The following BIRC6 variants were observed in gnomAD, a reference collection of about 807,000 sequenced individuals.
The protein encoded by BIRC6 is baculoviral IAP repeat containing 6.
In BIRC6, 98 loss-of-function variants were observed where a neutral mutation model predicts 503.3. The observed-to-expected ratio is 0.19, with a 90% confidence interval of 0.17 to 0.23. The LOEUF is 0.23. Ranked by LOEUF, BIRC6 falls within the 10% of genes least tolerant of loss-of-function variation. BIRC6 has a pLI of 1.00. For missense variants in BIRC6, 5,360 were observed against 5,806.0 expected, an observed-to-expected ratio of 0.92 and a Z score of 2.50; for synonymous variants, 2,240 against 2,078.7, an observed-to-expected ratio of 1.08 and a Z score of -2.11.
rs1269685175 is a variant in BIRC6 at position 32,482,500 on chromosome 2, A to C, written c.7614A>C (p.Gly2538=). 1.2e-6 allele frequency: 2 copies of C among 1,613,886 alleles called. No individual in the cohort carries two copies. The highest frequency in any genetic ancestry group is 3.3e-5 in the Admixed American group (2 of 60,020). Residue 2538 remains glycine, a synonymous_variant, in exon 39 of 74, where the codon GGA becomes GGC. Coordinates refer to ENST00000421745, the MANE Select transcript of BIRC6 (RefSeq NM_016252.4). ...CCTACAATTACAACCCTTACATTGG[A>C]GGTCTGGGAATTCCTGTAGCAAAGC... ...YGTYNYNPYI[G]GLGIPVAKPP... is the part of the protein sequence containing the mutation.
Position 32,388,156 on chromosome 2 carries a change from G to A in BIRC6, c.646-594G>A, listed in dbSNP as rs796097843. ...AATCCCAGCACTTTGGGAGGCAGAG[G>A]CGGACAGATCATCAGGTCAGGAGAT... On this transcript the variant is annotated intron_variant, in intron 3 of 73. Coordinates refer to ENST00000421745, the MANE Select transcript of BIRC6 (RefSeq NM_016252.4). Among the ~76,000 whole-genome samples, 11 of 152,094 alleles carry A rather than the reference G, an allele frequency of 7.2e-5. 1 individual carries two copies. The highest frequency in any genetic ancestry group is 2.6e-4 in the African/African-American group (11 of 41,516).
intron 57 of BIRC6, among the ~76,000 whole-genome samples, chr2:32,521,667 A>C (rs2055731248): frequency 6.9e-6 from 1 of 145,638 alleles, no homozygotes; most frequent in Non-Finnish European, 1.5e-5. Flanking sequence ...TTTAGTAGAG[A>C]TGGGGTTTTG....
chr2:32,510,120 C>G, intron 52 of BIRC6, 126 bp downstream of exon 52: 1 of 1,132,446 alleles, frequency 8.8e-7, no homozygotes, highest in East Asian at 2.6e-5. Flanking sequence ...TTTATCTCTC[C>G]TCTCTTCTCT....
chr2:32,374,080 G>A (rs1321290336), intron 1 of BIRC6, among the ~76,000 whole-genome samples: 1 of 152,080 alleles, frequency 6.6e-6, no homozygotes, highest in Non-Finnish European at 1.5e-5. Context: ...ACTGTTTAAA[G>A]CGTACAGAGT....
intron 6 of BIRC6, among the ~76,000 whole-genome samples, chr2:32,395,915 G>T (rs1387450145): frequency 6.6e-6 from 1 of 152,146 alleles, no homozygotes; most frequent in Non-Finnish European, 1.5e-5. Flanking sequence ...AGAGCATGTT[G>T]TCAGTAGGGA....
At chr2:32,388,491 G>A (rs763925848) in intron 3 of BIRC6, among the ~76,000 whole-genome samples, 2 of 151,976 alleles carry the variant, frequency 1.3e-5, no homozygotes, top group Non-Finnish European at 2.9e-5. Context: ...ACAGGCGTAA[G>A]CCACTGCACC....
intron 39 of BIRC6, 32 bp downstream of exon 39, chr2:32,482,614 C>G (rs2050533591): frequency 3.1e-6 from 5 of 1,606,814 alleles, no homozygotes; most frequent in Non-Finnish European, 4.3e-6. Context: ...AAGACATATG[C>G]TATTCTTAAA....
At chr2:32,486,077 T>C (rs1428500502) in intron 40 of BIRC6, among the ~76,000 whole-genome samples, 4 of 152,224 alleles carry the variant, frequency 2.6e-5, no homozygotes, top group African/African-American at 9.6e-5. Context: ...GCCTGTGAGT[T>C]CATTGCACTA....
intron 73 of BIRC6, among the ~76,000 whole-genome samples, chr2:32,614,271 C>T (rs1053419898): frequency 6.6e-6 from 1 of 152,176 alleles, no homozygotes; most frequent in African/African-American, 2.4e-5. Flanking sequence ...GTCTGTTTGT[C>T]CAGCTTCCTT....
chr2:32,571,401 T>C (rs372876629), intron 65 of BIRC6, among the ~76,000 whole-genome samples: 2 of 146,596 alleles, frequency 1.4e-5, no homozygotes, highest in African/African-American at 5.0e-5. Context: ...TTTTTTTTTT[T>C]TGTTGGGAGA....
At chr2:32,454,253 T>C (rs1026327315) in intron 23 of BIRC6, among the ~76,000 whole-genome samples, 5 of 152,104 alleles carry the variant, frequency 3.3e-5, no homozygotes, top group African/African-American at 1.2e-4. Flanking sequence ...AGAGTAAAAA[T>C]AGACTACGTG....
chr2:32,591,582 T>G (rs1359440376), intron 66 of BIRC6, among the ~76,000 whole-genome samples: 1 of 152,204 alleles, frequency 6.6e-6, no homozygotes, highest in Non-Finnish European at 1.5e-5. Flanking sequence ...GATTCTTGTT[T>G]CATCAAAGAG....
intron 66 of BIRC6, among the ~76,000 whole-genome samples, chr2:32,586,136 T>G (rs1349092835): frequency 6.6e-6 from 1 of 152,116 alleles, no homozygotes; most frequent in Non-Finnish European, 1.5e-5. Flanking sequence ...ACCCAAATAG[T>G]TCATTGATCA....
rs2050388543 is a variant in BIRC6 at position 32,481,433 on chromosome 2, C to T, written c.7522C>T (p.Leu2508Phe). ...AGATATTGATTTGGAAAAGGACCCT[C>T]TTGCAGCCAAGGTTTTTAAGGTATG... The part of the protein sequence containing the change: ...PLDIDLEKDP[L>F]AAKVFKPISS... Residue 2508 changes from leucine to phenylalanine, a missense_variant, in exon 38 of 74, where the codon CTT (leucine) becomes TTT (phenylalanine). Physicochemically the swap from Leu to Phe is conservative, Grantham distance 22. Around this residue, in one of 16 missense-constraint regions of BIRC6, gnomAD observed 2,299 missense variants for 2,267.2 expected, o/e 1.01. Coordinates refer to ENST00000421745, the MANE Select transcript of BIRC6 (RefSeq NM_016252.4). 1.1e-5 allele frequency: 18 copies of T among 1,611,700 alleles called. No individual in the cohort carries two copies. The highest frequency in any genetic ancestry group is 1.4e-5 in the Non-Finnish European group (17 of 1,178,884).
In BIRC6 at chr2:32,511,201, CTTTTTTTT is replaced by C; in HGVS notation, c.10346+587_10346+594del. Reference sequence around the variant, plus strand: ...TTTAGTGATTTTTTTCTTTTCTTTTCTTTTTTTTTTTTTTTTTTTTTTTTTTTACATTT... The same window carrying C: ...TTTAGTGATTTTTTTCTTTTCTTTTCTTTTTTTTTTTTTTTTTTTACATTT... On this transcript the variant is annotated intron_variant, in intron 53 of 73. Coordinates refer to ENST00000421745, the MANE Select transcript of BIRC6 (RefSeq NM_016252.4). Among the ~76,000 whole-genome samples the C allele has an allele frequency of 1.4e-3, 70 of 48,590 alleles. 1 individual carries two copies. Among genetic ancestry groups the C allele is most frequent in the South Asian group, 8.4e-3 (8 of 950 alleles). The allele number at this position is 48,590 out of a possible 152,430, so 31.9% of individuals were successfully genotyped here.
At chr2:32,596,170 C>T (rs932519740) in intron 68 of BIRC6, among the ~76,000 whole-genome samples, 1 of 151,798 alleles carries the variant, frequency 6.6e-6, no homozygotes, top group Non-Finnish European at 1.5e-5. Context: ...ATAAATTACC[C>T]CTGTAACTTA....
chr2:32,475,343 T>C (rs909510003), intron 33 of BIRC6, among the ~76,000 whole-genome samples: 3 of 152,144 alleles, frequency 2.0e-5, no homozygotes, highest in Non-Finnish European at 2.9e-5. Context: ...GTCACCAGAT[T>C]GTAAGGTCTT....
In BIRC6 at chr2:32,436,108, A is replaced by G. The variant is rs993901376; in HGVS notation, c.3555A>G (p.Pro1185=). 3.3e-6 allele frequency: 5 copies of G among 1,501,696 alleles called. No homozygotes were observed. The African/African-American group carries it at 5.5e-5, about 17-fold the overall frequency. 93.0% of individuals were successfully genotyped at this position (1,501,696 alleles called of 1,614,324 possible). ...ATAAAGAAGACATTCTATGTGGGCC[A>G]GTATGGCTTGCTAGTGGCCTTGATC... is the stretch of plus-strand genomic sequence containing the variant. ...EDHKEDILCG[P]VWLASGLDLS... is the part of the protein sequence containing the mutation. Residue 1185 remains proline (P), a synonymous_variant, in exon 15 of 74, where the codon CCA becomes CCG. Coordinates refer to ENST00000421745, the MANE Select transcript of BIRC6 (RefSeq NM_016252.4).
rs1159710870 is a variant in BIRC6 at position 32,442,195 on chromosome 2, T to C, written c.4075T>C (p.Leu1359=). 1 of 1,607,390 alleles carries C rather than the reference T, an allele frequency of 6.2e-7. No individual in the cohort carries two copies. Among genetic ancestry groups the C allele is most frequent in the East Asian group, 2.2e-5 (1 of 44,848 alleles). The change falls in exon 18 of 74, where the codon TTA becomes CTA. Residue 1359 remains leucine (L), a synonymous_variant. Transcript: ENST00000421745. ...QSLVLDTLCW[L]AGVHSNGPGS... ...CCTTGTGTTGGATACTCTCTGTTGG[T>C]TAGCTGGAGTTCATTCAAATGGACC...
Sources: allele counts gnomAD v4.1 joint callset (sites outside exome capture counted in the v4.1 genomes callset), GRCh38; gene constraint gnomAD v4.1.1; regional missense constraint gnomAD v4.1.1; transcripts MANE v1.5; gene names NCBI Gene and HGNC (gene_info 2026-07-23, HGNC 2026-07-21).